DNAH17: variants seen among roughly 807,000 people sequenced by gnomAD.
DNAH17 encodes the protein dynein axonemal heavy chain 17.
A neutral mutation model predicts 485.6 loss-of-function variants in DNAH17; 376 were observed. That is an observed-to-expected ratio of 0.77 (90% CI 0.71 to 0.84). The LOEUF is 0.84. Ranked by LOEUF, DNAH17 falls within the 40% of genes least tolerant of loss-of-function variation. The pLI is 0.00. For missense variants in DNAH17, 6,370 were observed against 5,839.3 expected, an observed-to-expected ratio of 1.09 and a Z score of -2.96; for synonymous variants, 3,031 against 2,405.9, an observed-to-expected ratio of 1.26 and a Z score of -7.60.
chr17:78,552,091 C>T (rs756645543), intron 15 of DNAH17, among the ~76,000 whole-genome samples: 26 of 152,138 alleles, frequency 1.7e-4, no homozygotes, highest in Non-Finnish European at 2.5e-4. Flanking sequence ...AATCGCTGGG[C>T]GTTCTCTGAA....
At chr17:78,576,688 C>T (rs2099971) in intron 1 of DNAH17, among the ~76,000 whole-genome samples, 30,844 of 152,096 alleles carry the variant, frequency 0.2, 3,203 homozygotes, top group Middle Eastern at 0.3. Flanking sequence ...GCTGGTCAGG[C>T]GACTGGACTG....
At chr17:78,530,228 AC>A (rs1255899074) in intron 21 of DNAH17, 114 bp downstream of exon 21, 2 of 1,288,674 alleles carry the variant, frequency 1.6e-6, no homozygotes, top group South Asian at 1.6e-5. Context: ...CCCAGCCTCC[AC>A]CCCCTGCTAC....
intron 25 of DNAH17, among the ~76,000 whole-genome samples, chr17:78,524,604 G>C (rs1056747984): frequency 8.4e-6 from 1 of 118,794 alleles, no homozygotes; most frequent in Non-Finnish European, 1.8e-5. Flanking sequence ...CCTCCAGAAC[G>C]GTGAGGAATA....
In DNAH17 at chr17:78,439,132, G is replaced by A. The variant is rs895550280; in HGVS notation, c.11763C>T (p.Ala3921=). 3 of 1,613,616 alleles carry A rather than the reference G, an allele frequency of 1.9e-6. No individual in the cohort carries two copies. Among genetic ancestry groups the A allele is most frequent in the Non-Finnish European group, 1.7e-6 (2 of 1,179,806 alleles). The change falls in exon 73 of 81, where the codon GCC becomes GCT. Residue 3921 remains alanine, a synonymous_variant. Coordinates refer to ENST00000389840, the MANE Select transcript of DNAH17 (RefSeq NM_173628.4). ...GQGQEVVAEN[A]LDVAAEKGHW... The stretch of plus-strand genomic sequence containing the variant: ...GTCCTTTCTCTGCAGCCACGTCCAG[G>A]GCGTTCTCAGCCACCACCTCTTGTC...
At chr17:78,555,183 G>C (rs1826942518) in intron 14 of DNAH17, among the ~76,000 whole-genome samples, 1 of 152,186 alleles carries the variant, frequency 6.6e-6, no homozygotes, top group Admixed American at 6.5e-5. Flanking sequence ...CAGAAGTAAA[G>C]GATGCATCTA....
chr17:78,503,001 C>T lies in DNAH17; in HGVS notation c.4967G>A (p.Trp1656Ter). 1 of 1,613,604 alleles carries T rather than the reference C, an allele frequency of 6.2e-7. No homozygotes were observed. Among genetic ancestry groups the T allele is most frequent in the Non-Finnish European group, 8.5e-7 (1 of 1,179,774 alleles). ...CATTCGGTCCAGCACTCGATTCAGC[C>T]ACACTTCCACCTGGGGACGGGAGCC... ...ECDLSGQVEV[W>*]LNRVLDRMCS... Residue 1656 changes from tryptophan to a stop codon, truncating the protein, a stop_gained, in exon 32 of 81, where the codon TGG (tryptophan) becomes TAG (stop). Coordinates refer to ENST00000389840, the MANE Select transcript of DNAH17 (RefSeq NM_173628.4). LOFTEE classifies it high-confidence loss of function.
rs535402265 is a variant in DNAH17 at position 78,505,777 on chromosome 17, G to A, written c.4804-332C>T. 2.6e-5 allele frequency among the ~76,000 whole-genome samples: 4 copies of A among 152,194 alleles called. No individual in the cohort carries two copies. In the South Asian group the frequency reaches 6.2e-4, roughly 24 times the overall value. On this transcript the variant is annotated intron_variant, in intron 30 of 80. Transcript: ENST00000389840. Reference sequence around the variant, plus strand: ...GTGGATCACCCGAGGTCAGGAGTTCGAGACCAGCCTGACCAATGTGGAGAA... The same window carrying A: ...GTGGATCACCCGAGGTCAGGAGTTCAAGACCAGCCTGACCAATGTGGAGAA...
intron 22 of DNAH17, among the ~76,000 whole-genome samples, chr17:78,528,610 G>A (rs2091141438): frequency 6.6e-6 from 1 of 151,992 alleles, no homozygotes; most frequent in Admixed American, 6.6e-5. Flanking sequence ...GGACGGGCTG[G>A]GAGGAGTTGG....
chr17:78,485,389 T>C (rs778994062), intron 47 of DNAH17, among the ~76,000 whole-genome samples, 161 bp downstream of exon 47: 7 of 152,188 alleles, frequency 4.6e-5, no homozygotes, highest in Non-Finnish European at 1.0e-4. Flanking sequence ...GCTCCTCCTC[T>C]GTCTCCGACT....
intron 17 of DNAH17, among the ~76,000 whole-genome samples, chr17:78,543,465 T>C (rs376889135): frequency 6.6e-6 from 1 of 151,750 alleles, no homozygotes; most frequent in African/African-American, 2.4e-5. Flanking sequence ...TAATTTTTTG[T>C]ATTTTTAGTA....
rs144182157 is a variant in DNAH17 at position 78,493,574 on chromosome 17, G to C, written c.6408+462C>G. 1.2e-3 allele frequency among the ~76,000 whole-genome samples: 179 copies of C among 152,314 alleles called. 2 individuals are homozygous for C. The highest frequency in any genetic ancestry group is 3.9e-3 in the African/African-American group (163 of 41,566). ...AGCTTCCCCATGTGACTGGCGGTGG[G>C]AGTGATCTCAAACAATAGCAGAAGG... On this transcript the variant is annotated intron_variant, in intron 41 of 80. Transcript: ENST00000389840.
chr17:78,481,972 G>A (rs76703115), intron 48 of DNAH17, among the ~76,000 whole-genome samples: 1 of 152,056 alleles, frequency 6.6e-6, no homozygotes, highest in East Asian at 1.9e-4. Context: ...CCAAGATCAT[G>A]CTATTGCACT....
In DNAH17 at chr17:78,480,265, C is replaced by T. The variant is rs547057983; in HGVS notation, c.7752+419G>A. Among the ~76,000 whole-genome samples, 70 of 151,942 alleles carry T rather than the reference C, an allele frequency of 4.6e-4. 1 individual carries two copies. Among genetic ancestry groups the T allele is most frequent in the African/African-American group, 1.7e-3 (69 of 41,460 alleles). ...TTGGGAGGCTGAGGCAGGAGAATTG[C>T]TTAAACCCGGGAAGCGGAGGTTGCA... is the stretch of plus-strand genomic sequence containing the variant. On this transcript the variant is annotated intron_variant, in intron 49 of 80. Coordinates refer to ENST00000389840, the MANE Select transcript of DNAH17 (RefSeq NM_173628.4).
chr17:78,491,472 A>G lies in DNAH17; in HGVS notation c.6640T>C (p.Ser2214Pro). ...DGDIDPMWIE[S>P]LNTVMDDNKV... ...TTGTCATCCATGACTGTGTTGAGAGACTCGATCCACATGGGGTCTATGTCT... is the reference window on the plus strand; with the variant it reads ...TTGTCATCCATGACTGTGTTGAGAGGCTCGATCCACATGGGGTCTATGTCT... Residue 2214 changes from serine to proline, a missense_variant, in exon 43 of 81, where the codon TCT becomes CCT. Transcript: ENST00000389840. 1.2e-6 allele frequency: 2 copies of G among 1,613,020 alleles called. No individual in the cohort carries two copies. The highest frequency in any genetic ancestry group is 1.7e-6 in the Non-Finnish European group (2 of 1,179,612).
At chr17:78,491,697 C>T in intron 42 of DNAH17, 127 bp from the exon 43 acceptor site, 1 of 1,415,352 alleles carries the variant, frequency 7.1e-7, no homozygotes, top group Non-Finnish European at 9.3e-7. Context: ...ACAGCAGAGG[C>T]CCTCGGGCAT....
At chr17:78,517,266 A>G (rs1418853460) in intron 25 of DNAH17, among the ~76,000 whole-genome samples, 19 of 151,906 alleles carry the variant, frequency 1.3e-4, no homozygotes, top group Admixed American at 1.2e-3. Context: ...CCGGTCTCAA[A>G]CTCCCGGCCT....
In DNAH17 at chr17:78,424,162, A is replaced by G. The variant is rs1040462668; in HGVS notation, c.13142-9T>C. 1 of 1,605,286 alleles carries G rather than the reference A, an allele frequency of 6.2e-7. No homozygotes were observed. Among genetic ancestry groups the G allele is most frequent in the Non-Finnish European group, 8.5e-7 (1 of 1,176,064 alleles). ...GGTGTCCCAGCGAGCCCCTGCAGGGACAGTATGGCTGAGGGTCAGGTGTGC... is the reference window on the plus strand; with the variant it reads ...GGTGTCCCAGCGAGCCCCTGCAGGGGCAGTATGGCTGAGGGTCAGGTGTGC... On this transcript the variant is annotated splice_polypyrimidine_tract_variant and intron_variant, in intron 80 of 80. Coordinates refer to ENST00000389840, the MANE Select transcript of DNAH17 (RefSeq NM_173628.4).
chr17:78,483,471 A>C (rs1055727643), intron 48 of DNAH17, among the ~76,000 whole-genome samples: 1 of 152,002 alleles, frequency 6.6e-6, no homozygotes, highest in Non-Finnish European at 1.5e-5. Flanking sequence ...TTCTACTAAA[A>C]ATACAAAAAT....
chr17:78,478,088 T>C lies in DNAH17; in HGVS notation c.7992+937A>G, dbSNP rs373251076. On this transcript the variant is annotated intron_variant, in intron 51 of 80. Transcript: ENST00000389840. ...ACCATCACCACCACCATCATCACCA[T>C]CACCACCACCATCATCATCATCTCC... Among the ~76,000 whole-genome samples the C allele has an allele frequency of 6.0e-3, 315 of 52,446 alleles. 1 individual carries two copies. Among genetic ancestry groups the C allele is most frequent in the South Asian group, 0.031 (58 of 1,892 alleles). 34.4% of individuals were successfully genotyped at this position (52,446 alleles called of 152,430 possible).
Sources: gnomAD v4.1 joint callset for allele counts (sites outside exome capture counted in the v4.1 genomes callset) on GRCh38, gnomAD v4.1.1 for gene constraint, MANE v1.5 for transcripts, NCBI Gene and HGNC (gene_info 2026-07-23, HGNC 2026-07-21) for gene names.